Variants in COL24A1 observed in about 807,000 individuals in gnomAD.
COL24A1 encodes the protein collagen alpha-1(XXIV) chain.
Under a neutral mutation model 253.9 loss-of-function variants are expected in COL24A1, and 224 were observed. The ratio of observed to expected loss-of-function variants is 0.88; its 90% CI spans 0.79 to 0.99. The LOEUF is 0.99. Ranked by LOEUF, COL24A1 falls within the 50% of genes least tolerant of loss-of-function variation. The pLI, the probability that COL24A1 is intolerant of heterozygous loss-of-function variation, is 0.00. For synonymous variants in COL24A1, 685 were observed against 673.7 expected (o/e 1.02, Z -0.26); for missense variants, 2,131 against 2,068.5 (o/e 1.03, Z -0.59).
At chr1:85,830,947 C>G (rs1675189790) in intron 43 of COL24A1, among the ~76,000 whole-genome samples, 1 of 152,084 alleles carries the variant, frequency 6.6e-6, no homozygotes, top group Admixed American at 6.6e-5. Context: ...TGGCTCCTAA[C>G]AACAATATTT....
chr1:85,937,950 G>C (rs1688381135), intron 24 of COL24A1, among the ~76,000 whole-genome samples: 1 of 147,216 alleles, frequency 6.8e-6, no homozygotes, highest in African/African-American at 2.5e-5. Flanking sequence ...TCAGAGCAGG[G>C]GACTCATTTT....
intron 24 of COL24A1, among the ~76,000 whole-genome samples, chr1:85,957,662 C>T (rs977581994): frequency 1.3e-5 from 2 of 152,178 alleles, no homozygotes; most frequent in South Asian, 4.1e-4. Flanking sequence ...CTCTTTATCT[C>T]CACTGGTCTA....
chr1:86,053,850 C>T (rs1700490712), intron 10 of COL24A1, among the ~76,000 whole-genome samples: 1 of 152,042 alleles, frequency 6.6e-6, no homozygotes, highest in Admixed American at 6.5e-5. Flanking sequence ...TATTCATGTA[C>T]AATGCATAAC....
chr1:85,893,092 T>C (rs929130258), intron 31 of COL24A1, among the ~76,000 whole-genome samples: 2 of 151,904 alleles, frequency 1.3e-5, no homozygotes, highest in African/African-American at 4.8e-5. Context: ...AAACACAAGG[T>C]CCAACTATAA....
At chr1:86,132,406 T>C (rs543813623) in intron 2 of COL24A1, among the ~76,000 whole-genome samples, 3 of 152,254 alleles carry the variant, frequency 2.0e-5, no homozygotes, top group African/African-American at 7.2e-5. Context: ...TTTGTTGCCA[T>C]TGCTTTTGGT....
chr1:86,041,539 T>C (rs1037688156), intron 12 of COL24A1, among the ~76,000 whole-genome samples: 1 of 152,132 alleles, frequency 6.6e-6, no homozygotes, highest in Non-Finnish European at 1.5e-5. Context: ...ATTTCCTGAT[T>C]GTAGCACTAC....
intron 28 of COL24A1, among the ~76,000 whole-genome samples, chr1:85,897,838 T>C (rs1023518662): frequency 7.9e-5 from 12 of 151,976 alleles, no homozygotes; most frequent in African/African-American, 4.8e-5. Flanking sequence ...CAAAAGACAA[T>C]AATATACAGA....
chr1:86,063,094 T>C (rs529083515), intron 8 of COL24A1, among the ~76,000 whole-genome samples: 95 of 152,246 alleles, frequency 6.2e-4, no homozygotes, highest in Non-Finnish European at 1.2e-3. Flanking sequence ...ACTTTATTTT[T>C]TTCTGTGACA....
At chr1:86,008,682 G>A (rs1185774193) in intron 19 of COL24A1, among the ~76,000 whole-genome samples, 1 of 151,964 alleles carries the variant, frequency 6.6e-6, no homozygotes, top group African/African-American at 2.4e-5. Context: ...TTTAAGAAGT[G>A]GGAAAGAAGA....
chr1:85,754,550 T>TAAAAAAAAA (rs34069021), intron 55 of COL24A1, among the ~76,000 whole-genome samples: 28 of 110,918 alleles, frequency 2.5e-4, no homozygotes, highest in East Asian at 5.3e-4. Context: ...AAAAAAAAAT[T>TAAAAAAAAA]AAAAAAAAAA....
intron 50 of COL24A1, 43 bp from the exon 51 acceptor site, chr1:85,783,601 T>C: frequency 6.5e-7 from 1 of 1,533,598 alleles, no homozygotes; most frequent in Non-Finnish European, 9.0e-7. Flanking sequence ...TTTGTAGCTC[T>C]ATATGAACAT....
chr1:86,147,002 T>C (rs1651974476), intron 1 of COL24A1, among the ~76,000 whole-genome samples: 1 of 152,130 alleles, frequency 6.6e-6, no homozygotes, highest in Non-Finnish European at 1.5e-5. Context: ...CTGAAAACAA[T>C]ACTTCATTAC....
In COL24A1 at chr1:85,756,057, CAAAAAAAA is replaced by C. The variant is rs200030128; in HGVS notation, c.4437+5331_4437+5338del. On this transcript the variant is annotated intron_variant, in intron 55 of 59. Coordinates refer to ENST00000370571, the MANE Select transcript of COL24A1 (RefSeq NM_152890.7). ...AGAGCTTCTACAACTTACTAACAAC[CAAAAAAAA>C]AAAAAAAAAAAAAAAGGCAACCCAA... Among the ~76,000 whole-genome samples the C allele has an allele frequency of 4.3e-3, 416 of 95,838 alleles. 1 individual carries two copies. Among genetic ancestry groups the C allele is most frequent in the African/African-American group, 8.1e-3 (180 of 22,334 alleles). 62.9% of individuals were successfully genotyped at this position (95,838 alleles called of 152,430 possible). A position where few individuals can be genotyped will look rare whatever the true frequency, so the allele number is the denominator to read the frequency against.
chr1:85,860,077 T>C (rs1055205407), intron 37 of COL24A1, among the ~76,000 whole-genome samples: 11 of 152,220 alleles, frequency 7.2e-5, no homozygotes, highest in South Asian at 4.1e-4. Context: ...TATTTTAGAC[T>C]TTGTGAAAGT....
chr1:85,927,272 G>A (rs1297591420), intron 24 of COL24A1, among the ~76,000 whole-genome samples: 2 of 152,346 alleles, frequency 1.3e-5, no homozygotes, highest in Non-Finnish European at 2.9e-5. Flanking sequence ...CACCTGGGAA[G>A]CGCAAGGAGT....
chr1:85,872,705 T>C (rs975595772), intron 35 of COL24A1, among the ~76,000 whole-genome samples: 7 of 152,216 alleles, frequency 4.6e-5, no homozygotes, highest in Non-Finnish European at 7.3e-5. Flanking sequence ...GATTAAAGAC[T>C]TAAATGTTAC....
Position 85,993,215 on chromosome 1 carries a change from C to T in COL24A1, c.2311-5561G>A, listed in dbSNP as rs112060444. 6.9e-3 allele frequency among the ~76,000 whole-genome samples: 1,055 copies of T among 152,116 alleles called. 8 individuals are homozygous for T. Among genetic ancestry groups the T allele is most frequent in the Admixed American group, 0.014 (209 of 15,276 alleles). The stretch of plus-strand genomic sequence containing the variant: ...GAAGCTAGAGTGTCCTAACAGAATA[C>T]ATTATATTATGCGCTACATACATTG... On this transcript the variant is annotated intron_variant, in intron 19 of 59. Transcript: ENST00000370571.
chr1:86,059,566 A>T (rs1409972435), intron 8 of COL24A1, among the ~76,000 whole-genome samples: 1 of 152,182 alleles, frequency 6.6e-6, no homozygotes, highest in Admixed American at 6.5e-5. Flanking sequence ...GCCCCAGAAG[A>T]CTAAGAGGGG....
chr1:86,037,083 A>G (rs1008083300), intron 12 of COL24A1, among the ~76,000 whole-genome samples: 10 of 152,276 alleles, frequency 6.6e-5, no homozygotes, highest in African/African-American at 2.2e-4. Flanking sequence ...TCACATTTTG[A>G]TCAGTTAAAA....
Sources: allele counts gnomAD v4.1 joint callset (sites outside exome capture counted in the v4.1 genomes callset), GRCh38; gene constraint gnomAD v4.1.1; transcripts MANE v1.5; gene names NCBI Gene and HGNC (gene_info 2026-07-23, HGNC 2026-07-21).